TAX1BP1: variants seen among roughly 807,000 people sequenced by gnomAD.
The protein encoded by TAX1BP1 is tax1-binding protein 1.
Under a neutral mutation model 97.7 loss-of-function variants are expected in TAX1BP1, and 62 were observed. The ratio of observed to expected loss-of-function variants is 0.63; its 90% CI spans 0.52 to 0.78. The LOEUF is 0.78. TAX1BP1 is among the 30% of genes least tolerant of loss of function. TAX1BP1 has a pLI of 0.00. For missense variants in TAX1BP1, 867 were observed against 916.1 expected (o/e 0.95, Z 0.69); for synonymous variants, 340 against 304.2 (o/e 1.12, Z -1.23).
chr7:27,793,308 A>T, intron 10 of TAX1BP1, 96 bp downstream of exon 10: 2 of 1,086,072 alleles, frequency 1.8e-6, no homozygotes, highest in Non-Finnish European at 2.5e-6. Flanking sequence ...CCTTTTAAAT[A>T]TTATTTATCT....
At chr7:27,791,330 A>G (rs1789698237) in intron 8 of TAX1BP1, among the ~76,000 whole-genome samples, 1 of 152,178 alleles carries the variant, frequency 6.6e-6, no homozygotes, top group African/African-American at 2.4e-5. Context: ...TATTGTGTTT[A>G]TAATGTTTAA....
chr7:27,803,585 G>A (rs186717315), intron 13 of TAX1BP1, among the ~76,000 whole-genome samples: 11 of 152,292 alleles, frequency 7.2e-5, no homozygotes, highest in Admixed American at 7.2e-4. Flanking sequence ...TGTGAAAGCA[G>A]TGTGGAAAAC....
chr7:27,822,442 G>A (rs1791013545), intron 15 of TAX1BP1, among the ~76,000 whole-genome samples: 1 of 152,114 alleles, frequency 6.6e-6, no homozygotes, highest in African/African-American at 2.4e-5. Context: ...TAAACCTTTT[G>A]AAAAACTGCC....
At chr7:27,816,298 A>G in intron 13 of TAX1BP1, 51 bp from the exon 14 acceptor site, 1 of 1,396,408 alleles carries the variant, frequency 7.2e-7, no homozygotes, top group East Asian at 2.5e-5. Flanking sequence ...TGCTGTATTT[A>G]TGAAATATTT....
chr7:27,822,437 CT>C (rs1385292054), intron 15 of TAX1BP1, among the ~76,000 whole-genome samples: 1 of 152,126 alleles, frequency 6.6e-6, no homozygotes, highest in Non-Finnish European at 1.5e-5. Flanking sequence ...TTACCTAAAC[CT>C]TTTGAAAAAC....
intron 15 of TAX1BP1, among the ~76,000 whole-genome samples, chr7:27,827,013 C>A (rs887216169): frequency 2.0e-5 from 3 of 152,116 alleles, no homozygotes; most frequent in African/African-American, 7.2e-5. Flanking sequence ...ATTAAGCTTA[C>A]AGTTATTAAA....
chr7:27,755,848 T>C (rs1788192272), intron 2 of TAX1BP1, among the ~76,000 whole-genome samples: 1 of 152,232 alleles, frequency 6.6e-6, no homozygotes, highest in African/African-American at 2.4e-5. Flanking sequence ...GCAATGTATT[T>C]TGGCAGTTTT....
intron 13 of TAX1BP1, chr7:27,803,186 G>A: frequency 1.3e-6 from 2 of 1,530,230 alleles, no homozygotes; most frequent in Non-Finnish European, 1.8e-6. Context: ...AGAAGGTATT[G>A]AGCAATGTAG....
intron 13 of TAX1BP1, among the ~76,000 whole-genome samples, chr7:27,810,178 A>C (rs909542504): frequency 6.6e-6 from 1 of 151,190 alleles, no homozygotes; most frequent in Non-Finnish European, 1.5e-5. Context: ...AAGTGCTGGG[A>C]TTACAGGCGT....
chr7:27,744,473 A>G (rs1261285936), intron 1 of TAX1BP1, among the ~76,000 whole-genome samples: 2 of 152,254 alleles, frequency 1.3e-5, no homozygotes, highest in African/African-American at 2.4e-5. Flanking sequence ...CAGAATCACC[A>G]TAATTATATT....
In TAX1BP1 at chr7:27,796,220, G is replaced by A; in HGVS notation, c.1638+1G>A. On this transcript the variant is annotated splice_donor_variant, in intron 12 of 16. Coordinates refer to ENST00000396319, the MANE Select transcript of TAX1BP1 (RefSeq NM_006024.7). LOFTEE classifies it high-confidence loss of function. ...TAATAAATGTAAACAACTCTTGCAG[G>A]TAAGTTAACTACCTTGTAAGTGAAA... The A allele has an allele frequency of 6.4e-7, 1 of 1,567,124 alleles. No homozygotes were observed. The highest frequency in any genetic ancestry group is 8.6e-7 in the Non-Finnish European group (1 of 1,160,924).
In TAX1BP1 at chr7:27,746,809, A is replaced by G. The variant is rs747259974; in HGVS notation, c.-7-1709A>G. 3.5e-4 allele frequency among the ~76,000 whole-genome samples: 53 copies of G among 152,140 alleles called. 1 individual carries two copies. The highest frequency in any genetic ancestry group is 6.2e-4 in the South Asian group (3 of 4,824). On this transcript the variant is annotated intron_variant, in intron 1 of 16. Transcript: ENST00000396319. ...AGTGGTTTCCAGGTTCATGATTGACAGTCTCTTTTTGGGATATCCATTATA... is the reference window on the plus strand; with the variant it reads ...AGTGGTTTCCAGGTTCATGATTGACGGTCTCTTTTTGGGATATCCATTATA...
At chr7:27,763,144 T>G (rs901441648) in intron 3 of TAX1BP1, among the ~76,000 whole-genome samples, 1 of 152,234 alleles carries the variant, frequency 6.6e-6, no homozygotes, top group Non-Finnish European at 1.5e-5. Flanking sequence ...CTTTCAAGCA[T>G]AATGCAAATC....
At position 27,813,145 on chromosome 7, in the gene TAX1BP1, CTTTTTTTTTT is replaced by C. The variant is rs57301512; in HGVS notation, c.1765-3191_1765-3182del. ...TCATAAGTCCTCCAACTTTGTTCTG[CTTTTTTTTTT>C]TTTTTTTTTTTTCTTAAAGACAGCA... is the stretch of plus-strand genomic sequence containing the variant. On this transcript the variant is annotated intron_variant, in intron 13 of 16. Coordinates refer to ENST00000396319, the MANE Select transcript of TAX1BP1 (RefSeq NM_006024.7). Among the ~76,000 whole-genome samples the C allele has an allele frequency of 1.1e-4, 12 of 108,938 alleles. No homozygotes were observed. The South Asian group carries it at 1.9e-3, about 17-fold the overall frequency. The allele number at this position is 108,938 out of a possible 152,430, so 71.5% of individuals were successfully genotyped here.
chr7:27,754,363 T>TA lies in TAX1BP1; in HGVS notation c.163-3659dup, dbSNP rs1005096748. 3.9e-3 allele frequency among the ~76,000 whole-genome samples: 571 copies of TA among 148,176 alleles called. 4 individuals carry two copies. The highest frequency in any genetic ancestry group is 9.7e-3 in the African/African-American group (397 of 40,760). The stretch of plus-strand genomic sequence containing the variant: ...GTTTTTAAAAAAAGTCCTCTGGTTG[T>TA]AAAAAAAAATTACAATTATAATATA... On this transcript the variant is annotated intron_variant, in intron 2 of 16. Transcript: ENST00000396319.
intron 15 of TAX1BP1, 133 bp from the exon 16 acceptor site, chr7:27,827,593 TTTGAAAGTCTAA>T: frequency 3.2e-6 from 2 of 621,028 alleles, no homozygotes; most frequent in Non-Finnish European, 5.6e-6. Context: ...AACATGTTTA[TTTGAAAGTCTAA>T]TTAAATGATA....
In TAX1BP1 at chr7:27,769,796, GAGAA is replaced by G; in HGVS notation, c.582_585del (p.Glu194AspfsTer15). ...GAGAATGGAAAGAGAACTTAACCAT[GAGAA>G]AGAAAGATGTGACCAACTGCAAGCA... On this transcript the variant is annotated frameshift_variant, in exon 5 of 17. Transcript: ENST00000396319. LOFTEE classifies it high-confidence loss of function. The G allele has an allele frequency of 6.2e-7, 1 of 1,612,394 alleles. No homozygotes were observed. The highest frequency in any genetic ancestry group is 8.5e-7 in the Non-Finnish European group (1 of 1,178,938).
intron 5 of TAX1BP1, among the ~76,000 whole-genome samples, chr7:27,782,290 G>T (rs1205225127): frequency 2.0e-5 from 3 of 151,968 alleles, no homozygotes; most frequent in Non-Finnish European, 4.4e-5. Flanking sequence ...AGGCTGGAGT[G>T]CAGTGGCATA....
At chr7:27,817,178 C>A in intron 15 of TAX1BP1, 140 bp downstream of exon 15, 1 of 1,025,326 alleles carries the variant, frequency 9.8e-7, no homozygotes, top group Non-Finnish European at 1.4e-6. Context: ...TGTGCCTGCA[C>A]ACAATTGCCT....
Sources: allele counts gnomAD v4.1 joint callset (sites outside exome capture counted in the v4.1 genomes callset), GRCh38; gene constraint gnomAD v4.1.1; transcripts MANE v1.5; gene names NCBI Gene and HGNC (gene_info 2026-07-23, HGNC 2026-07-21).